ITGB5: variants seen among roughly 807,000 people sequenced by gnomAD.
ITGB5 encodes integrin beta-5.
A neutral mutation model predicts 84.8 loss-of-function variants in ITGB5; 38 were observed. The observed-to-expected ratio is 0.45, with a 90% CI of 0.35 to 0.59. The LOEUF (loss-of-function observed/expected upper bound fraction) is 0.59. ITGB5 is among the 20% of genes least tolerant of loss of function. ITGB5 has a pLI of 0.01. For synonymous variants in ITGB5, 393 were observed against 414.4 expected, an observed-to-expected ratio of 0.95 and a Z score of 0.63; for missense variants, 905 against 1,034.5, an observed-to-expected ratio of 0.87 and a Z score of 1.72.
chr3:124,833,646 G>A (rs1461896970), intron 5 of ITGB5, among the ~76,000 whole-genome samples: 7 of 152,186 alleles, frequency 4.6e-5, no homozygotes, highest in Admixed American at 4.6e-4. Flanking sequence ...GGATGGGAGG[G>A]TGGAAGTCCC....
chr3:124,856,607 T>C (rs373657969), intron 3 of ITGB5, among the ~76,000 whole-genome samples: 2 of 152,166 alleles, frequency 1.3e-5, no homozygotes, highest in African/African-American at 4.8e-5. Flanking sequence ...AGGTGAATAA[T>C]ACAGAGGACA....
At chr3:124,829,022 A>C (rs1380889727) in intron 5 of ITGB5, among the ~76,000 whole-genome samples, 1 of 152,204 alleles carries the variant, frequency 6.6e-6, no homozygotes, top group African/African-American at 2.4e-5. Context: ...CACCCCATTC[A>C]GTATCTGGTA....
intron 2 of ITGB5, among the ~76,000 whole-genome samples, chr3:124,871,188 A>G (rs1363244367): frequency 1.3e-5 from 2 of 151,372 alleles, no homozygotes; most frequent in Admixed American, 1.3e-4. Flanking sequence ...ACTGCACACC[A>G]GGCCTGAATT....
At chr3:124,764,321 A>C in intron 14 of ITGB5, 70 bp downstream of exon 14, 1 of 1,501,618 alleles carries the variant, frequency 6.7e-7, no homozygotes, top group Non-Finnish European at 9.1e-7. Flanking sequence ...TCTATTGCTA[A>C]CATACCGCTG....
chr3:124,842,705 G>A (rs1457399285), intron 4 of ITGB5, among the ~76,000 whole-genome samples: 3 of 152,170 alleles, frequency 2.0e-5, no homozygotes, highest in African/African-American at 7.2e-5. Flanking sequence ...TGAGGGAAAG[G>A]CTTTATAATC....
chr3:124,865,294 G>C (rs540241624), intron 2 of ITGB5, among the ~76,000 whole-genome samples: 32 of 152,048 alleles, frequency 2.1e-4, no homozygotes, highest in African/African-American at 7.5e-4. Context: ...CAAGCAAGAA[G>C]GATGGGCTTC....
chr3:124,837,532 C>G (rs1219793391), intron 5 of ITGB5, among the ~76,000 whole-genome samples: 1 of 152,204 alleles, frequency 6.6e-6, no homozygotes, highest in African/African-American at 2.4e-5. Flanking sequence ...GCAATGTGAC[C>G]TGCAGGGGAT....
Position 124,764,556 on chromosome 3 carries a change from C to T in ITGB5, c.2139G>A (p.Glu713=), listed in dbSNP as rs189380425. The change falls in exon 14 of 15, where the codon GAG becomes GAA. Residue 713 remains glutamate, a splice_region_variant and synonymous_variant. Transcript: ENST00000296181. ...TCATGGCGTTGGGGGTGTTTCCACA[C>T]TCTGGGGGGACCAGAAGCATGGTAA... is the stretch of plus-strand genomic sequence containing the variant. ...KSNLTVLREP[E]CGNTPNAMTI... 2.5e-6 allele frequency: 4 copies of T among 1,604,708 alleles called. No homozygotes were observed. Among genetic ancestry groups the T allele is most frequent in the East Asian group, 4.5e-5 (2 of 44,598 alleles).
At chr3:124,858,133 C>CAAA (rs63273260) in intron 3 of ITGB5, among the ~76,000 whole-genome samples, 5 of 83,832 alleles carry the variant, frequency 6.0e-5, no homozygotes, top group African/African-American at 2.3e-4. Flanking sequence ...TACCCCATCT[C>CAAA]AAAAAAAAAA....
chr3:124,863,212 A>G (rs2065330874), intron 2 of ITGB5: 1 of 152,192 alleles, frequency 6.6e-6, no homozygotes. Flanking sequence ...AGGGACTCAG[A>G]GCCACTAGCT....
chr3:124,900,474 C>T (rs1183480159), intron 1 of ITGB5, among the ~76,000 whole-genome samples: 1 of 152,220 alleles, frequency 6.6e-6, no homozygotes, highest in East Asian at 1.9e-4. Context: ...TCCTTATTGG[C>T]CCACATGTCG....
intron 10 of ITGB5, among the ~76,000 whole-genome samples, chr3:124,782,098 C>A (rs1436600097): frequency 6.6e-6 from 1 of 152,112 alleles, no homozygotes; most frequent in Admixed American, 6.6e-5. Context: ...AATAGTAAAA[C>A]TTTATGGAAT....
intron 2 of ITGB5, among the ~76,000 whole-genome samples, chr3:124,869,879 A>T (rs1260999308): frequency 6.6e-6 from 1 of 152,204 alleles, no homozygotes; most frequent in Non-Finnish European, 1.5e-5. Flanking sequence ...GAAGCTATTT[A>T]AAGTAAAAAT....
chr3:124,849,590 A>G (rs1471209703), intron 3 of ITGB5, among the ~76,000 whole-genome samples: 1 of 152,148 alleles, frequency 6.6e-6, no homozygotes. Flanking sequence ...TTTTAGCTCT[A>G]TCGAAAAAAG....
intron 8 of ITGB5, among the ~76,000 whole-genome samples, chr3:124,814,676 C>A (rs934257700): frequency 6.6e-6 from 1 of 152,032 alleles, no homozygotes; most frequent in Non-Finnish European, 1.5e-5. Flanking sequence ...AAACTCCTGG[C>A]CTCAAGTGAT....
At chr3:124,811,751 C>T (rs916916048) in intron 8 of ITGB5, among the ~76,000 whole-genome samples, 1 of 152,160 alleles carries the variant, frequency 6.6e-6, no homozygotes, top group Non-Finnish European at 1.5e-5. Flanking sequence ...GAATCAGAAA[C>T]TCTTAAGACA....
Position 124,832,061 on chromosome 3 carries a change from T to TA in ITGB5, c.780+9321dup, listed in dbSNP as rs369119461. ...CTCCCTGGAAAATCCTGAGGGCTGA[T>TA]AGAGTCACATGATAACTGTTTCTGA... On this transcript the variant is annotated intron_variant, in intron 5 of 14. Transcript: ENST00000296181. 1.2e-4 allele frequency among the ~76,000 whole-genome samples: 19 copies of TA among 152,318 alleles called. No homozygotes were observed. In the East Asian group the frequency reaches 3.5e-3, roughly 28 times the overall value.
chr3:124,782,740 C>G (rs2064022545), intron 10 of ITGB5, among the ~76,000 whole-genome samples: 1 of 151,940 alleles, frequency 6.6e-6, no homozygotes, highest in Admixed American at 6.5e-5. Flanking sequence ...CGCTTGTAAT[C>G]CCAGCTACTC....
At chr3:124,867,152 C>A (rs1160788952) in intron 2 of ITGB5, among the ~76,000 whole-genome samples, 1 of 152,180 alleles carries the variant, frequency 6.6e-6, no homozygotes, top group Non-Finnish European at 1.5e-5. Flanking sequence ...CTCACCCCAG[C>A]CCAGACTTCA....
Sources: allele counts gnomAD v4.1 joint callset (sites outside exome capture counted in the v4.1 genomes callset), GRCh38; gene constraint gnomAD v4.1.1; transcripts MANE v1.5; gene names NCBI Gene and HGNC (gene_info 2026-07-23, HGNC 2026-07-21).